Variants in GNB4 observed in about 807,000 individuals in gnomAD.
The protein encoded by GNB4 is G protein subunit beta 4.
GNB4 carries 28 observed loss-of-function variants against 45.2 expected under a neutral mutation model. The observed-to-expected ratio is 0.62, with a 90% confidence interval of 0.46 to 0.85. The LOEUF is 0.85. Ranked by LOEUF, GNB4 falls within the 40% of genes least tolerant of loss-of-function variation. The probability of loss-of-function intolerance (pLI) is 0.00; values close to 1 mark genes in which losing one functional copy is unlikely to be tolerated. For synonymous variants in GNB4, 132 were observed against 143.7 expected, an observed-to-expected ratio of 0.92 and a Z score of 0.58; for missense variants, 321 against 425.4, an observed-to-expected ratio of 0.75 and a Z score of 2.16.
At chr3:179,494,945 G>GAAAAAAAAAAAA in the GNB4 span, among the ~76,000 whole-genome samples, 1 of 141,566 alleles carries the variant, frequency 7.1e-6, no homozygotes, top group Admixed American at 7.1e-5. Flanking sequence ...AGGAAGGAAG[G>GAAAAAAAAAAAA]AAAAAAAATC....
chr3:179,506,470 A>G, the GNB4 span, among the ~76,000 whole-genome samples: 1 of 152,248 alleles, frequency 6.6e-6, no homozygotes, highest in Non-Finnish European at 1.5e-5. Flanking sequence ...GGGAAAAAAT[A>G]TTTTAAAATA....
chr3:179,438,079 A>AG (rs1177096121), intron 1 of GNB4, among the ~76,000 whole-genome samples: 3 of 151,916 alleles, frequency 2.0e-5, no homozygotes, highest in Non-Finnish European at 2.9e-5. Flanking sequence ...CTCAAAAAAA[A>AG]AGAAAAAGAA....
At chr3:179,479,936 G>A in the GNB4 span, among the ~76,000 whole-genome samples, 1 of 152,174 alleles carries the variant, frequency 6.6e-6, no homozygotes, top group Non-Finnish European at 1.5e-5. Flanking sequence ...TTTGGAAAAC[G>A]AATCCCTCTG....
At chr3:179,509,232 A>G in the GNB4 span, among the ~76,000 whole-genome samples, 4 of 151,654 alleles carry the variant, frequency 2.6e-5, no homozygotes, top group Non-Finnish European at 5.9e-5. Flanking sequence ...TTTCATTGAT[A>G]TTGATAAGAT....
intron 1 of GNB4, among the ~76,000 whole-genome samples, chr3:179,438,632 T>C (rs886721498): frequency 6.6e-6 from 1 of 152,224 alleles, no homozygotes; most frequent in African/African-American, 2.4e-5. Flanking sequence ...GGCCTTATGC[T>C]GCAATTTAAC....
the GNB4 span, among the ~76,000 whole-genome samples, chr3:179,460,110 T>C: frequency 6.6e-6 from 1 of 152,234 alleles, no homozygotes; most frequent in Non-Finnish European, 1.5e-5. Context: ...AAGCTTTGAA[T>C]CAGAATGACA....
the GNB4 span, among the ~76,000 whole-genome samples, chr3:179,518,434 CA>C: frequency 1.3e-5 from 2 of 151,616 alleles, no homozygotes; most frequent in African/African-American, 4.8e-5. Context: ...CCCTCAGCCC[CA>C]ACCACAAGTG....
intron 1 of GNB4, among the ~76,000 whole-genome samples, chr3:179,427,806 C>G (rs1715190242): frequency 6.6e-6 from 1 of 151,990 alleles, no homozygotes; most frequent in South Asian, 2.1e-4. Context: ...ATATTACTAC[C>G]TCAAAAAGAC....
At chr3:179,493,525 C>CAAAAA in the GNB4 span, among the ~76,000 whole-genome samples, 1 of 117,542 alleles carries the variant, frequency 8.5e-6, no homozygotes, top group African/African-American at 3.4e-5. Flanking sequence ...TATCCAGTCT[C>CAAAAA]AAAAAAAAAA....
chr3:179,524,819 C>G, the GNB4 span, among the ~76,000 whole-genome samples: 1 of 152,064 alleles, frequency 6.6e-6, no homozygotes, highest in African/African-American at 2.4e-5. Flanking sequence ...CTTGACTATG[C>G]CTACAGCTCC....
chr3:179,438,146 A>G (rs1715507592), intron 1 of GNB4, among the ~76,000 whole-genome samples: 1 of 152,202 alleles, frequency 6.6e-6, no homozygotes, highest in Non-Finnish European at 1.5e-5. Context: ...CAACTAAGAG[A>G]TAACATTTAC....
intron 1 of GNB4, among the ~76,000 whole-genome samples, chr3:179,446,058 T>C (rs1487443564): frequency 6.6e-6 from 1 of 152,254 alleles, no homozygotes; most frequent in Non-Finnish European, 1.5e-5. Flanking sequence ...AACACATCTT[T>C]CAGCAATTCT....
chr3:179,516,181 A>G, the GNB4 span, among the ~76,000 whole-genome samples: 1 of 152,142 alleles, frequency 6.6e-6, no homozygotes, highest in Non-Finnish European at 1.5e-5. Flanking sequence ...CCATTAGTCC[A>G]TTTTACCTTT....
At chr3:179,437,165 T>G (rs1488201625) in intron 1 of GNB4, among the ~76,000 whole-genome samples, 1 of 152,048 alleles carries the variant, frequency 6.6e-6, no homozygotes, top group Non-Finnish European at 1.5e-5. Context: ...AGTTTCCAGG[T>G]TTTAGAAAGG....
chr3:179,414,775 C>T (rs570764242), intron 6 of GNB4, 110 bp downstream of exon 6: 10 of 730,576 alleles, frequency 1.4e-5, no homozygotes, highest in African/African-American at 1.8e-5. Context: ...CATTCCCACC[C>T]GATTAATCCT....
intron 8 of GNB4, among the ~76,000 whole-genome samples, chr3:179,406,293 A>G (rs1036606166): frequency 6.6e-6 from 1 of 152,130 alleles, no homozygotes; most frequent in African/African-American, 2.4e-5. Flanking sequence ...GTATCTTTTA[A>G]TAGCAGTAAT....
At chr3:179,451,591 A>ACGCGCAGACCCTCGGAGCG (rs1577043868), upstream of GNB4, 1 of 150,332 alleles carries the variant, frequency 6.7e-6, no homozygotes, top group Non-Finnish European at 1.5e-5. Context: ...CGTGCCGGGG[A>ACGCGCAGACCCTCGGAGCG]CGCGCAGACC....
At chr3:179,408,026 C>A (rs1714526722) in intron 8 of GNB4, among the ~76,000 whole-genome samples, 1 of 152,074 alleles carries the variant, frequency 6.6e-6, no homozygotes, top group African/African-American at 2.4e-5. Context: ...AAATAGTTTC[C>A]AAGTAACTTA....
chr3:179,503,021 C>T, the GNB4 span, among the ~76,000 whole-genome samples: 2 of 152,114 alleles, frequency 1.3e-5, no homozygotes, highest in Non-Finnish European at 2.9e-5. Flanking sequence ...TCTTATTGTA[C>T]AGATGGGTTG....
Sources: gnomAD v4.1 joint callset for allele counts (sites outside exome capture counted in the v4.1 genomes callset) on GRCh38, gnomAD v4.1.1 for gene constraint, MANE v1.5 for transcripts, NCBI Gene and HGNC (gene_info 2026-07-23, HGNC 2026-07-21) for gene names.